SOX5: variants seen among roughly 807,000 people sequenced by gnomAD.
SOX5 encodes the protein SRY-box transcription factor 5, also known as transcription factor SOX-5.
Under a neutral mutation model 92.0 loss-of-function variants are expected in SOX5, and 9 were observed. The ratio of observed to expected loss-of-function variants is 0.10; its 90% CI spans 0.06 to 0.17. SOX5 has a LOEUF of 0.17. SOX5 is among the 10% of genes least tolerant of loss of function. The pLI is 1.00. For synonymous variants in SOX5, 344 were observed against 336.3 expected (o/e 1.02, Z -0.25); for missense variants, 642 against 944.5 (o/e 0.68, Z 4.20).
At chr12:23,918,119 C>G (rs2097436785) in intron 1 of SOX5, among the ~76,000 whole-genome samples, 1 of 152,126 alleles carries the variant, frequency 6.6e-6, no homozygotes, top group Admixed American at 6.5e-5. Context: ...TCCTCTAAGA[C>G]AGCATGTATT....
At chr12:24,549,791 T>C (rs1388852734) in intron 1 of SOX5, among the ~76,000 whole-genome samples, 1 of 152,122 alleles carries the variant, frequency 6.6e-6, no homozygotes, top group East Asian at 1.9e-4. Flanking sequence ...CATCCATGTG[T>C]GGTACCCAGG....
chr12:23,706,531 C>A (rs2091414193), intron 6 of SOX5, among the ~76,000 whole-genome samples: 1 of 151,590 alleles, frequency 6.6e-6, no homozygotes, highest in African/African-American at 2.4e-5. Flanking sequence ...TATAGAGGGA[C>A]AAAATATACC....
At chr12:23,534,704 CTTT>C (rs60460683) in intron 14 of SOX5, among the ~76,000 whole-genome samples, 182 bp from the exon 15 acceptor site, 2 of 108,820 alleles carry the variant, frequency 1.8e-5, no homozygotes, top group Non-Finnish European at 3.9e-5. Context: ...CTTTTCTTTT[CTTT>C]TTTTTTTTTT....
chr12:23,669,898 G>A (rs538288830), intron 6 of SOX5, among the ~76,000 whole-genome samples: 135 of 152,232 alleles, frequency 8.9e-4, no homozygotes, highest in South Asian at 8.1e-3. Flanking sequence ...CCAGTCCGAA[G>A]CTGAGGGAGG....
At chr12:23,951,057 G>T (rs1353211147), upstream of SOX5, 2 of 549,006 alleles carry the variant, frequency 3.6e-6, no homozygotes, top group South Asian at 2.6e-5. Context: ...TGCACAAAAG[G>T]CTACATTACA....
intron 3 of SOX5, among the ~76,000 whole-genome samples, chr12:23,762,072 T>A (rs1456673812): frequency 1.3e-5 from 2 of 152,122 alleles, no homozygotes; most frequent in African/African-American, 4.8e-5. Flanking sequence ...TAGCTGCATA[T>A]CTACACAATA....
intron 6 of SOX5, among the ~76,000 whole-genome samples, chr12:23,676,546 G>A (rs1163205689): frequency 6.8e-6 from 1 of 146,912 alleles, no homozygotes; most frequent in Non-Finnish European, 1.5e-5. Flanking sequence ...CTCTAGGGCT[G>A]TTGCAACGAA....
intron 4 of SOX5, among the ~76,000 whole-genome samples, chr12:23,977,223 G>A (rs1052747314): frequency 7.9e-5 from 12 of 152,102 alleles, no homozygotes; most frequent in African/African-American, 2.4e-4. Flanking sequence ...TACAGGAGAA[G>A]TTTCAGAGAG....
intron 3 of SOX5, among the ~76,000 whole-genome samples, chr12:24,253,163 G>A (rs1437580145): frequency 6.6e-6 from 1 of 151,946 alleles, no homozygotes; most frequent in African/African-American, 2.4e-5. Flanking sequence ...GGAGGCAAGC[G>A]TATTCCTGCC....
intron 6 of SOX5, among the ~76,000 whole-genome samples, chr12:23,691,291 T>C (rs1459898215): frequency 3.3e-5 from 5 of 152,232 alleles, no homozygotes; most frequent in Admixed American, 6.5e-5. Flanking sequence ...TCTGTCTTCT[T>C]TAGATTATCA....
chr12:23,687,501 C>A (rs2087814626), intron 6 of SOX5, among the ~76,000 whole-genome samples: 1 of 151,968 alleles, frequency 6.6e-6, no homozygotes, highest in South Asian at 2.1e-4. Flanking sequence ...ACTTAATAAA[C>A]CCTACAGCAC....
chr12:23,958,565 G>T (rs1268189920), intron 4 of SOX5, among the ~76,000 whole-genome samples: 2 of 151,862 alleles, frequency 1.3e-5, no homozygotes, highest in East Asian at 3.8e-4. Context: ...TTCACAGCTT[G>T]TAAGAGGCAG....
At chr12:23,665,977 C>T (rs2083728614) in intron 6 of SOX5, among the ~76,000 whole-genome samples, 1 of 152,132 alleles carries the variant, frequency 6.6e-6, no homozygotes, top group Non-Finnish European at 1.5e-5. Context: ...CTAACTAAAC[C>T]TGTATCATTT....
At chr12:24,201,301 T>C (rs1014340737) in intron 4 of SOX5, among the ~76,000 whole-genome samples, 3 of 152,090 alleles carry the variant, frequency 2.0e-5, no homozygotes, top group Non-Finnish European at 4.4e-5. Context: ...GGTCACAGAC[T>C]CCTTTGAAAA....
At chr12:24,396,411 T>C (rs983504068) in intron 1 of SOX5, among the ~76,000 whole-genome samples, 1 of 152,206 alleles carries the variant, frequency 6.6e-6, no homozygotes, top group African/African-American at 2.4e-5. Flanking sequence ...TAGATTAAGC[T>C]CTTATTTTAG....
intron 3 of SOX5, among the ~76,000 whole-genome samples, chr12:24,230,978 T>C (rs184463328): frequency 3.3e-5 from 5 of 152,346 alleles, no homozygotes; most frequent in East Asian, 1.9e-4. Flanking sequence ...GTAAAGTACT[T>C]GGTCCTCATT....
intron 6 of SOX5, among the ~76,000 whole-genome samples, chr12:23,694,920 A>G (rs1027737032): frequency 1.5e-4 from 23 of 152,040 alleles, no homozygotes; most frequent in Non-Finnish European, 2.9e-4. Flanking sequence ...GGAGTTTCAA[A>G]CCAGGCTGGG....
chr12:24,246,979 C>T lies in SOX5; in HGVS notation c.-77+30237G>A, dbSNP rs116427293. ...CATCACTTTCAAAGGAAAAAGATGA[C>T]GGCATGTAAAAATCACATTTTAAAA... On this transcript the variant is annotated intron_variant, in intron 3 of 4. Transcript: ENST00000446891. Among the ~76,000 whole-genome samples the T allele has an allele frequency of 2.9e-3, 436 of 152,018 alleles. 5 individuals are homozygous for T. Among genetic ancestry groups the T allele is most frequent in the African/African-American group, 9.6e-3 (399 of 41,456 alleles).
At chr12:23,833,591 T>C (rs754367537) in intron 3 of SOX5, among the ~76,000 whole-genome samples, 1 of 152,000 alleles carries the variant, frequency 6.6e-6, no homozygotes, top group African/African-American at 2.4e-5. Flanking sequence ...AAAAGATTAA[T>C]GTAAATATAA....
Sources: gnomAD v4.1 joint callset for allele counts (sites outside exome capture counted in the v4.1 genomes callset) on GRCh38, gnomAD v4.1.1 for gene constraint, MANE v1.5 for transcripts, NCBI Gene and HGNC (gene_info 2026-07-23, HGNC 2026-07-21) for gene names.